Variants in SLC25A32 observed in about 807,000 individuals in gnomAD.
The protein encoded by SLC25A32 is solute carrier family 25 member 32, also known as Glycine auxotroph B, complementation of hamster.
A neutral mutation model predicts 39.0 loss-of-function variants in SLC25A32; 32 were observed. The observed-to-expected ratio is 0.82, with a 90% CI of 0.62 to 1.10. The LOEUF (loss-of-function observed/expected upper bound fraction) is 1.10, where lower values mean the gene tolerates loss of function less well. SLC25A32 is among the 50% of genes least tolerant of loss of function. SLC25A32 has a pLI of 0.00. For synonymous variants in SLC25A32, 166 were observed against 152.4 expected (o/e 1.09, Z -0.66); for missense variants, 367 against 395.3 (o/e 0.93, Z 0.61).
At chr8:103,401,895 A>C (rs1010508502) in intron 5 of SLC25A32, 46 bp downstream of exon 5, 1 of 1,495,060 alleles carries the variant, frequency 6.7e-7, no homozygotes, top group Non-Finnish European at 9.2e-7. Context: ...TACCTATTAA[A>C]TACCCATAAA....
At chr8:103,403,634 G>A (rs565576766) in intron 3 of SLC25A32, among the ~76,000 whole-genome samples, 1 of 152,204 alleles carries the variant, frequency 6.6e-6, no homozygotes, top group Admixed American at 6.5e-5. Flanking sequence ...CCTAAACAAC[G>A]TGGCCTGGTG....
intron 6 of SLC25A32, 102 bp from the exon 7 acceptor site, chr8:103,400,648 C>G (rs2130434496): frequency 5.0e-6 from 6 of 1,203,388 alleles, no homozygotes; most frequent in Admixed American, 2.1e-5. Flanking sequence ...GCAGTCAAAC[C>G]TTACTCTGAT....
Position 103,411,340 on chromosome 8 carries a change from C to G in SLC25A32, c.154+3444G>C, listed in dbSNP as rs577448850. ...GTATTTAAATAGACTTAAGTCTCTC[C>G]TAAGTATTTCCTCTTTGATCTCAGT... is the stretch of plus-strand genomic sequence containing the variant. On this transcript the variant is annotated intron_variant, in intron 1 of 6. Transcript: ENST00000297578. Among the ~76,000 whole-genome samples, 13 of 152,116 alleles carry G rather than the reference C, an allele frequency of 8.5e-5. No homozygotes were observed. The East Asian group carries it at 2.5e-3, about 29-fold the overall frequency.
chr8:103,404,753 TTA>T, intron 3 of SLC25A32, 21 bp downstream of exon 3: 8 of 1,568,054 alleles, frequency 5.1e-6, no homozygotes, highest in Non-Finnish European at 6.1e-6. Context: ...GGTGACATTT[TTA>T]TATTTCACAC....
At chr8:103,411,241 A>G (rs1816456753) in intron 1 of SLC25A32, among the ~76,000 whole-genome samples, 4 of 152,192 alleles carry the variant, frequency 2.6e-5, no homozygotes. Context: ...AACCCACCTT[A>G]GTTAGATACG....
Position 103,400,556 on chromosome 8 carries a change from G to A in SLC25A32, c.813-10C>T, listed in dbSNP as rs1251185311. 6.2e-7 allele frequency: 1 copy of A among 1,612,260 alleles called. No individual in the cohort carries two copies. The highest frequency in any genetic ancestry group is 8.5e-7 in the Non-Finnish European group (1 of 1,179,480). On this transcript the variant is annotated splice_polypyrimidine_tract_variant and intron_variant, in intron 6 of 6. Transcript: ENST00000297578. Reference sequence around the variant, plus strand: ...ACCGACGCCTTCTTTCCTTTAGAGGGAAAAATAGATAATGCTTAATTTTGT... The same window carrying A: ...ACCGACGCCTTCTTTCCTTTAGAGGAAAAAATAGATAATGCTTAATTTTGT...
chr8:103,403,993 G>A (rs1369180904), intron 3 of SLC25A32, among the ~76,000 whole-genome samples: 1 of 152,056 alleles, frequency 6.6e-6, no homozygotes, highest in African/African-American at 2.4e-5. Context: ...TTTGCTAGTG[G>A]CTATGTGTTC....
At chr8:103,403,044 G>GT in intron 4 of SLC25A32, 120 bp downstream of exon 4, 1 of 587,396 alleles carries the variant, frequency 1.7e-6, no homozygotes, top group Non-Finnish European at 2.8e-6. Context: ...TCATTAAATT[G>GT]TTTTTTGCCT....
At chr8:103,401,762 G>T in intron 5 of SLC25A32, 101 bp from the exon 6 acceptor site, 1 of 1,135,282 alleles carries the variant, frequency 8.8e-7, no homozygotes, top group Non-Finnish European at 1.2e-6. Flanking sequence ...GATCTTTAAG[G>T]GATTCTATTT....
chr8:103,414,586 T>A, intron 1 of SLC25A32, 198 bp downstream of exon 1: 1 of 681,484 alleles, frequency 1.5e-6, no homozygotes. Context: ...GCCCCCTCTC[T>A]TAGTCTTGAG....
At chr8:103,409,186 T>C (rs1223571293) in intron 1 of SLC25A32, among the ~76,000 whole-genome samples, 2 of 152,172 alleles carry the variant, frequency 1.3e-5, no homozygotes, top group Non-Finnish European at 2.9e-5. Flanking sequence ...GTATTAAGTA[T>C]CTCAGTAATC....
Position 103,400,362 on chromosome 8 carries a change from G to T in SLC25A32, c.*49C>A, listed in dbSNP as rs750068948. 6.2e-7 allele frequency: 1 copy of T among 1,605,716 alleles called. No individual in the cohort carries two copies. Among genetic ancestry groups the T allele is most frequent in the African/African-American group, 1.3e-5 (1 of 74,364 alleles). On this transcript the variant is annotated 3_prime_UTR_variant, in exon 7 of 7. Coordinates refer to ENST00000297578, the MANE Select transcript of SLC25A32 (RefSeq NM_030780.5). ...CTTCTTTTATGCCTTAAACACAAAA[G>T]AGCTTGTTGCTGCCTTGGGCAGATA...
intron 1 of SLC25A32, 71 bp downstream of exon 1, chr8:103,414,713 G>T (rs531125360): frequency 9.6e-5 from 153 of 1,595,480 alleles, no homozygotes; most frequent in Admixed American, 1.2e-4. Flanking sequence ...CCCTAGAACG[G>T]AAAAGACGGA....
In SLC25A32 at chr8:103,400,165, G is replaced by A. The variant is rs1232776330; in HGVS notation, c.*246C>T. 7 of 468,734 alleles carry A rather than the reference G, an allele frequency of 1.5e-5. No homozygotes were observed. The highest frequency in any genetic ancestry group is 7.9e-5 in the East Asian group (2 of 25,462). 29.0% of individuals were successfully genotyped at this position (468,734 alleles called of 1,614,324 possible). A position where few individuals can be genotyped will look rare whatever the true frequency, so the allele number is the denominator to read the frequency against. On this transcript the variant is annotated 3_prime_UTR_variant, in exon 7 of 7. Transcript: ENST00000297578. ...AGAAATCTGTGAAACTCTATCCTTC[G>A]TGTCAGTTTTAACATTGTGTTGATG...
chr8:103,414,635 C>T, intron 1 of SLC25A32, 149 bp downstream of exon 1: 1 of 1,133,980 alleles, frequency 8.8e-7, no homozygotes, highest in Non-Finnish European at 1.2e-6. Context: ...CCACCAAGCA[C>T]CATTTCCTCA....
chr8:103,407,864 T>G, intron 1 of SLC25A32, 80 bp from the exon 2 acceptor site: 2 of 1,202,990 alleles, frequency 1.7e-6, no homozygotes, highest in Non-Finnish European at 2.3e-6. Flanking sequence ...ACTGTACAAT[T>G]GGTTATATAA....
rs374025789 is a variant in SLC25A32, at chr8:103,403,178, G to A, written c.538C>T (p.Arg180Cys). The A allele has an allele frequency of 2.1e-5, 34 of 1,599,930 alleles. No homozygotes were observed. Among genetic ancestry groups the A allele is most frequent in the Admixed American group, 5.1e-5 (3 of 58,696 alleles). The change falls in exon 4 of 7, where the codon CGT becomes TGT. Residue 180 changes from arginine to cysteine, a missense_variant. Arg to Cys is a radical substitution (Grantham distance 180, BLOSUM62 -3). Transcript: ENST00000297578. ...TAATTTGTTACCTTATATAATCCAC[G>A]CACACCTTCATACTTATATATTTTC... ...LVKIYKYEGV[R>C]GLYKGFVPGL... is the part of the protein sequence containing the mutation.
At chr8:103,409,585 T>C (rs1816416740) in intron 1 of SLC25A32, among the ~76,000 whole-genome samples, 2 of 152,178 alleles carry the variant, frequency 1.3e-5, no homozygotes, top group African/African-American at 2.4e-5. Context: ...CAAATACGTA[T>C]TGAACCTGCC....
chr8:103,405,549 G>A (rs1168579169), intron 2 of SLC25A32, among the ~76,000 whole-genome samples: 1 of 152,114 alleles, frequency 6.6e-6, no homozygotes, highest in Non-Finnish European at 1.5e-5. Context: ...ATTTTATTTG[G>A]TAGAAAATAT....
Sources: allele counts gnomAD v4.1 joint callset (sites outside exome capture counted in the v4.1 genomes callset), GRCh38; gene constraint gnomAD v4.1.1; transcripts MANE v1.5; gene names NCBI Gene and HGNC (gene_info 2026-07-23, HGNC 2026-07-21).